PSTPIP1: variants seen among roughly 807,000 people sequenced by gnomAD.
PSTPIP1 encodes proline-serine-threonine phosphatase-interacting protein 1.
In PSTPIP1, 66 loss-of-function variants were observed where a neutral mutation model predicts 69.6. That is an observed-to-expected ratio of 0.95 (90% CI 0.78 to 1.16). PSTPIP1 has a LOEUF of 1.16. PSTPIP1 is among the 50% of genes most tolerant of loss of function. The pLI is 0.00. For synonymous variants in PSTPIP1, 266 were observed against 222.7 expected, an observed-to-expected ratio of 1.19 and a Z score of -1.73; for missense variants, 603 against 557.4, an observed-to-expected ratio of 1.08 and a Z score of -0.82.
chr15:77,023,855 A>G (rs533441947), intron 3 of PSTPIP1, among the ~76,000 whole-genome samples: 1 of 151,898 alleles, frequency 6.6e-6, no homozygotes, highest in African/African-American at 2.4e-5. Context: ...AATGAGTGGG[A>G]CTGAGCTGAG....
intron 1 of PSTPIP1, chr15:77,015,694 G>A: frequency 2.9e-6 from 1 of 347,960 alleles, no homozygotes; most frequent in South Asian, 2.2e-5. Flanking sequence ...TCAGAGCACG[G>A]AGTCAGACCC....
Position 77,037,215 on chromosome 15 carries a change from G to A in PSTPIP1, c.*39G>A. 6.4e-7 allele frequency: 1 copy of A among 1,561,676 alleles called. No individual in the cohort carries two copies. Among genetic ancestry groups the A allele is most frequent in the South Asian group, 1.2e-5 (1 of 85,992 alleles). On this transcript the variant is annotated 3_prime_UTR_variant, in exon 15 of 15. Transcript: ENST00000558012. ...GCCCCTTCGGACCTGCCCTGCCAGT[G>A]GAGCCAGCAGTGCCCCCAGCACTGT...
At chr15:77,016,121 A>C in intron 1 of PSTPIP1, 1 of 451,422 alleles carries the variant, frequency 2.2e-6, no homozygotes, top group East Asian at 7.0e-5. Flanking sequence ...ATCAGGAAGG[A>C]ATGACAGGTC....
At position 77,035,865 on chromosome 15, in the gene PSTPIP1, T is replaced by C; in HGVS notation, c.1049T>C (p.Val350Ala). The C allele has an allele frequency of 6.2e-7, 1 of 1,610,592 alleles. No homozygotes were observed. The highest frequency in any genetic ancestry group is 8.5e-7 in the Non-Finnish European group (1 of 1,179,618). ...GAGGGTGTCTACACAGCCATCGCAG[T>C]GCAGGAGATACAGGGAAACCCGGCC... ...RNEGVYTAIA[V>A]QEIQGNPASP... Residue 350 changes from valine (V) to alanine (A), a missense_variant, in exon 14 of 15, where the codon GTG becomes GCG. By Grantham distance (64) the Val-to-Ala change is moderately conservative (BLOSUM62 0). Coordinates refer to ENST00000558012, the MANE Select transcript of PSTPIP1 (RefSeq NM_003978.5).
intron 1 of PSTPIP1, among the ~76,000 whole-genome samples, chr15:77,011,834 C>T (rs1376888744): frequency 6.6e-6 from 1 of 152,160 alleles, no homozygotes; most frequent in East Asian, 1.9e-4. Context: ...GCCCCCCACC[C>T]TCTTTCCATA....
At chr15:76,998,521 T>C (rs979088602) in intron 1 of PSTPIP1, among the ~76,000 whole-genome samples, 1 of 152,210 alleles carries the variant, frequency 6.6e-6, no homozygotes, top group Non-Finnish European at 1.5e-5. Context: ...TTTAATGAGC[T>C]TGGTCATGGG....
At chr15:77,012,151 ATCC>A (rs2075951529) in intron 1 of PSTPIP1, among the ~76,000 whole-genome samples, 1 of 95,890 alleles carries the variant, frequency 1.0e-5, no homozygotes, top group Admixed American at 9.8e-5. Flanking sequence ...CCATCCATCC[ATCC>A]ATCCACCCAC....
chr15:77,028,349 G>A (rs1043687574), intron 6 of PSTPIP1: 8 of 539,976 alleles, frequency 1.5e-5, no homozygotes, highest in Non-Finnish European at 2.3e-5. Flanking sequence ...TCAGTGGGGA[G>A]GGCCTGAGAG....
intron 12 of PSTPIP1, among the ~76,000 whole-genome samples, chr15:77,033,810 G>A (rs2076481762): frequency 1.2e-5 from 1 of 86,738 alleles, no homozygotes; most frequent in African/African-American, 4.4e-5. Flanking sequence ...AACCACCCGT[G>A]CTTAGAGAGG....
chr15:77,031,035 G>T (rs542209542), intron 9 of PSTPIP1, 145 bp from the exon 10 acceptor site: 6 of 748,880 alleles, frequency 8.0e-6, no homozygotes, highest in Non-Finnish European at 1.3e-5. Flanking sequence ...TCGGGATGGG[G>T]ACCCCAGGGC....
chr15:77,009,151 C>T (rs540568190), intron 1 of PSTPIP1, among the ~76,000 whole-genome samples: 118 of 152,280 alleles, frequency 7.7e-4, no homozygotes, highest in Non-Finnish European at 1.5e-3. Flanking sequence ...AGGAGCCCCA[C>T]GTGCCATCCC....
At chr15:77,013,500 G>T (rs947562287) in intron 1 of PSTPIP1, among the ~76,000 whole-genome samples, 1 of 152,132 alleles carries the variant, frequency 6.6e-6, no homozygotes, top group Non-Finnish European at 1.5e-5. Flanking sequence ...ATGCACACAG[G>T]TCAGCCCTTT....
At chr15:77,007,367 G>A (rs1013482012) in intron 1 of PSTPIP1, among the ~76,000 whole-genome samples, 1 of 152,160 alleles carries the variant, frequency 6.6e-6, no homozygotes, top group Non-Finnish European at 1.5e-5. Flanking sequence ...CAGCACTCTG[G>A]AAAGCTGAGG....
At chr15:77,030,605 G>A (rs575399821) in intron 9 of PSTPIP1, 24 bp downstream of exon 9, 10 of 1,576,318 alleles carry the variant, frequency 6.3e-6, no homozygotes, top group South Asian at 3.4e-5. Flanking sequence ...GTGGAGCCTC[G>A]TTTTCCCCAG....
intron 12 of PSTPIP1, among the ~76,000 whole-genome samples, chr15:77,034,271 C>T (rs149299105): frequency 0.011 from 1,676 of 152,278 alleles, 17 homozygotes; most frequent in Middle Eastern, 0.044. Flanking sequence ...CTTCCTCCAC[C>T]TGTCCCCAGC....
rs1166817896 is a variant in PSTPIP1, at chr15:76,995,331, A to G, written c.-243A>G. The G allele has an allele frequency of 3.6e-6, 5 of 1,408,236 alleles. No individual in the cohort carries two copies. The Admixed American group carries it at 1.5e-4, about 42-fold the overall frequency. 87.2% of individuals were successfully genotyped at this position (1,408,236 alleles called of 1,614,324 possible). On this transcript the variant is annotated 5_prime_UTR_variant, in exon 1 of 15. Coordinates refer to ENST00000558012, the MANE Select transcript of PSTPIP1 (RefSeq NM_003978.5). ...ACCAGGGCCCGCCCTCCCATCACTGAGCTCCACTCCTTCCTCATTTTGCTG... is the reference window on the plus strand; with the variant it reads ...ACCAGGGCCCGCCCTCCCATCACTGGGCTCCACTCCTTCCTCATTTTGCTG...
At chr15:77,023,260 C>T (rs1344016909) in intron 3 of PSTPIP1, among the ~76,000 whole-genome samples, 6 of 152,352 alleles carry the variant, frequency 3.9e-5, no homozygotes, top group East Asian at 3.9e-4. Context: ...GACAGACATC[C>T]GCTGGGCCAG....
At chr15:77,018,965 C>A (rs932729862) in intron 3 of PSTPIP1, among the ~76,000 whole-genome samples, 1 of 152,122 alleles carries the variant, frequency 6.6e-6, no homozygotes, top group African/African-American at 2.4e-5. Flanking sequence ...CAGCTCCTCA[C>A]CCCCCAGCTG....
At chr15:77,020,764 T>C (rs938306604) in intron 3 of PSTPIP1, among the ~76,000 whole-genome samples, 3 of 151,882 alleles carry the variant, frequency 2.0e-5, no homozygotes, top group Non-Finnish European at 4.4e-5. Context: ...ACTGTCAGAG[T>C]CTTGGCTTAG....
Sources: gnomAD v4.1 joint callset for allele counts (sites outside exome capture counted in the v4.1 genomes callset) on GRCh38, gnomAD v4.1.1 for gene constraint, MANE v1.5 for transcripts, NCBI Gene and HGNC (gene_info 2026-07-23, HGNC 2026-07-21) for gene names.